The following KANSL1 variants were observed in gnomAD, a reference collection of about 807,000 sequenced individuals.
The protein encoded by KANSL1 is MLL1/MLL complex subunit KANSL1.
Under a neutral mutation model 103.6 loss-of-function variants are expected in KANSL1, and 22 were observed. The observed-to-expected ratio is 0.21, with a 90% CI of 0.15 to 0.30. KANSL1 has a LOEUF of 0.30. Among genes scored for constraint, KANSL1 ranks in the 10% least tolerant of loss-of-function variants. KANSL1 has a pLI of 1.00. For synonymous variants in KANSL1, 600 were observed against 527.6 expected, an observed-to-expected ratio of 1.14 and a Z score of -1.88; for missense variants, 1,337 against 1,399.8, an observed-to-expected ratio of 0.96 and a Z score of 0.72.
chr17:46,101,151 GATTA>G (rs1157937098), intron 2 of KANSL1, among the ~76,000 whole-genome samples: 1 of 151,998 alleles, frequency 6.6e-6, no homozygotes, highest in Non-Finnish European at 1.5e-5. Flanking sequence ...ACAATTGCCA[GATTA>G]ACAGTTTTCA....
intron 2 of KANSL1, among the ~76,000 whole-genome samples, chr17:46,145,982 G>A (rs1482411162): frequency 6.6e-6 from 1 of 152,102 alleles, no homozygotes; most frequent in Non-Finnish European, 1.5e-5. Flanking sequence ...TCCCACCTTG[G>A]CCCCCTCAAA....
chr17:46,094,848 T>C, intron 2 of KANSL1, 147 bp from the exon 3 acceptor site: 1 of 888,194 alleles, frequency 1.1e-6, no homozygotes, highest in Non-Finnish European at 1.7e-6. Flanking sequence ...ACAAGACACC[T>C]CCCGCTCATC....
In KANSL1 at chr17:46,053,837, T is replaced by C. The variant is rs544734103; in HGVS notation, c.1849-3133A>G. 1.2e-3 allele frequency among the ~76,000 whole-genome samples: 183 copies of C among 152,292 alleles called. 1 individual carries two copies. Among genetic ancestry groups the C allele is most frequent in the Admixed American group, 0.011 (168 of 15,302 alleles). On this transcript the variant is annotated intron_variant, in intron 6 of 14. Coordinates refer to ENST00000432791, the MANE Select transcript of KANSL1 (RefSeq NM_015443.4). Reference sequence around the variant, plus strand: ...ACAAATCCACACCAAGAATCTATCCTGCAGACAAACTTAAGTGTACACACG... The same window carrying C: ...ACAAATCCACACCAAGAATCTATCCCGCAGACAAACTTAAGTGTACACACG...
chr17:46,096,136 A>ATTCT (rs776509440), intron 2 of KANSL1, among the ~76,000 whole-genome samples: 8 of 137,464 alleles, frequency 5.8e-5, no homozygotes, highest in African/African-American at 1.9e-4. Flanking sequence ...ATGATACTGT[A>ATTCT]TTTTTTTTTT....
chr17:46,096,778 C>T (rs550111343), intron 2 of KANSL1, among the ~76,000 whole-genome samples: 1 of 152,242 alleles, frequency 6.6e-6, no homozygotes, highest in East Asian at 1.9e-4. Context: ...ACCACCACGC[C>T]TGGCTAATTT....
At chr17:46,108,459 T>G (rs1369574303) in intron 2 of KANSL1, among the ~76,000 whole-genome samples, 2 of 152,236 alleles carry the variant, frequency 1.3e-5, no homozygotes, top group Non-Finnish European at 2.9e-5. Flanking sequence ...CCTACACACC[T>G]TTCTTTCCCG....
intron 6 of KANSL1, among the ~76,000 whole-genome samples, chr17:46,052,261 G>A (rs1367691763): frequency 6.6e-6 from 1 of 152,172 alleles, no homozygotes; most frequent in Non-Finnish European, 1.5e-5. Context: ...AAAAGAGAGA[G>A]ACTAGAAACC....
At chr17:46,113,555 T>C (rs1267719451) in intron 2 of KANSL1, among the ~76,000 whole-genome samples, 1 of 152,152 alleles carries the variant, frequency 6.6e-6, no homozygotes, top group African/African-American at 2.4e-5. Flanking sequence ...GCAAACTGTT[T>C]ATCGCACGGT....
intron 2 of KANSL1, among the ~76,000 whole-genome samples, chr17:46,168,554 T>C (rs2046123422): frequency 1.3e-5 from 2 of 152,092 alleles, no homozygotes; most frequent in Non-Finnish European, 2.9e-5. Context: ...TCCATGTTGG[T>C]CAAACTGGTC....
At chr17:46,220,768 G>C (rs1319775721) in intron 1 of KANSL1, among the ~76,000 whole-genome samples, 1 of 152,054 alleles carries the variant, frequency 6.6e-6, no homozygotes, top group Non-Finnish European at 1.5e-5. Context: ...CTCACTGCAA[G>C]CTCCGTCTCC....
chr17:46,126,233 G>C (rs1267428684), intron 2 of KANSL1, among the ~76,000 whole-genome samples: 1 of 152,182 alleles, frequency 6.6e-6, no homozygotes, highest in African/African-American at 2.4e-5. Flanking sequence ...CCTGAGGTCA[G>C]GAGTTCGAGA....
intron 1 of KANSL1, among the ~76,000 whole-genome samples, chr17:46,216,531 G>T (rs534032865): frequency 1.3e-4 from 19 of 150,378 alleles, no homozygotes; most frequent in Non-Finnish European, 2.1e-4. Context: ...CCCAGGAGAC[G>T]GAGGTTGCAG....
chr17:46,110,990 C>G lies in KANSL1; in HGVS notation c.1290-16289G>C, dbSNP rs1470569220. On this transcript the variant is annotated intron_variant, in intron 2 of 14. Transcript: ENST00000432791. The stretch of plus-strand genomic sequence containing the variant: ...AAAGAGAACATAAAAATAATTAAAA[C>G]TATAGTGAAACAAATAACAAGAACA... Among the ~76,000 whole-genome samples the G allele has an allele frequency of 2.6e-5, 4 of 152,194 alleles. No individual in the cohort carries two copies. In the East Asian group the frequency reaches 7.7e-4, roughly 29 times the overall value.
chr17:46,034,450 C>A, intron 10 of KANSL1, 165 bp from the exon 11 acceptor site: 3 of 635,944 alleles, frequency 4.7e-6, no homozygotes, highest in South Asian at 3.6e-5. Context: ...CAGTCTCCAA[C>A]AGCAAAAAAC....
chr17:46,190,036 C>G (rs1191779674), intron 1 of KANSL1, among the ~76,000 whole-genome samples: 1 of 152,096 alleles, frequency 6.6e-6, no homozygotes, highest in Non-Finnish European at 1.5e-5. Context: ...CCTATGTTTA[C>G]AGAGTACACA....
rs958835054 is a variant in KANSL1, at chr17:46,132,363, T to A, written c.1290-37662A>T. On this transcript the variant is annotated intron_variant, in intron 2 of 14. Transcript: ENST00000432791. ...TTTGCACAATGCCTGGCACATAGTC[T>A]CAAATACTGCCTATTATCATTACTG... 3.9e-5 allele frequency among the ~76,000 whole-genome samples: 6 copies of A among 152,200 alleles called. 1 individual carries two copies. In the South Asian group the frequency reaches 1.2e-3, roughly 32 times the overall value.
In KANSL1 at chr17:46,182,986, C is replaced by T. The variant is rs1201732366; in HGVS notation, c.-90+9837G>A. 4.6e-5 allele frequency among the ~76,000 whole-genome samples: 7 copies of T among 152,210 alleles called. No homozygotes were observed. In the East Asian group the frequency reaches 1.3e-3, roughly 29 times the overall value. ...AATGCCTAGAGTATTCAAAGCACCA[C>T]AGTAAGTACATACAAGGATGACAAG... On this transcript the variant is annotated intron_variant, in intron 1 of 14. Transcript: ENST00000432791.
rs2077769956 is a variant in KANSL1, at chr17:46,052,963, C to CAAAAAAAAAAAA, written c.1849-2260_1849-2259insTTTTTTTTTTTT. Among the ~76,000 whole-genome samples the CAAAAAAAAAAAA allele has an allele frequency of 3.5e-4, 15 of 43,140 alleles. 3 individuals are homozygous for CAAAAAAAAAAAA. The highest frequency in any genetic ancestry group is 1.4e-3 in the African/African-American group (14 of 9,806). The allele number at this position is 43,140 out of a possible 152,430, so 28.3% of individuals were successfully genotyped here. A position where few individuals can be genotyped will look rare whatever the true frequency, so the allele number is the denominator to read the frequency against. On this transcript the variant is annotated intron_variant, in intron 6 of 14. Coordinates refer to ENST00000432791, the MANE Select transcript of KANSL1 (RefSeq NM_015443.4). ...TGGGAAAAAGAGTAAGATCCTGTCTCCAAAAAAAAAAAAAAAAAAAAAAAA... is the reference window on the plus strand; with the variant it reads ...TGGGAAAAAGAGTAAGATCCTGTCTCAAAAAAAAAAAACAAAAAAAAAAAAAAAAAAAAAAAA...
At chr17:46,112,644 T>C (rs1186299856) in intron 2 of KANSL1, among the ~76,000 whole-genome samples, 1 of 151,042 alleles carries the variant, frequency 6.6e-6, no homozygotes, top group Non-Finnish European at 1.5e-5. Context: ...AAGATCACAC[T>C]ACTGCATTCC....
Sources: allele counts gnomAD v4.1 joint callset (sites outside exome capture counted in the v4.1 genomes callset), GRCh38; gene constraint gnomAD v4.1.1; transcripts MANE v1.5; gene names NCBI Gene and HGNC (gene_info 2026-07-23, HGNC 2026-07-21).